EYA2: variants seen among roughly 807,000 people sequenced by gnomAD.
The protein encoded by EYA2 is EYA transcriptional coactivator and phosphatase 2.
EYA2 carries 31 observed loss-of-function variants against 69.2 expected under a neutral mutation model. The ratio of observed to expected loss-of-function variants is 0.45; its 90% CI spans 0.34 to 0.60. The LOEUF (loss-of-function observed/expected upper bound fraction) is 0.60. Ranked by LOEUF, EYA2 falls within the 20% of genes least tolerant of loss-of-function variation. EYA2 has a pLI of 0.02. For synonymous variants in EYA2, 257 were observed against 279.4 expected, an observed-to-expected ratio of 0.92 and a Z score of 0.80; for missense variants, 622 against 701.2, an observed-to-expected ratio of 0.89 and a Z score of 1.28.
At chr20:46,966,894 A>G (rs184220063) in intron 1 of EYA2, among the ~76,000 whole-genome samples, 2 of 152,032 alleles carry the variant, frequency 1.3e-5, no homozygotes, top group African/African-American at 2.4e-5. Flanking sequence ...CATCATCCAT[A>G]CTTTTAAGAT....
At position 47,116,162 on chromosome 20, in the gene EYA2, T is replaced by A. The variant is rs1391749650; in HGVS notation, c.888+18994T>A. ...ATTATTTGATTATAGAATAACATCA[T>A]CATCCTTCTTTTTTTTTTTTTTTTT... On this transcript the variant is annotated intron_variant, in intron 9 of 15. Coordinates refer to ENST00000327619, the MANE Select transcript of EYA2 (RefSeq NM_005244.5). 9.7e-5 allele frequency among the ~76,000 whole-genome samples: 14 copies of A among 144,112 alleles called. No individual in the cohort carries two copies. In the Admixed American group the frequency reaches 1.0e-3, roughly 11 times the overall value. 94.5% of individuals were successfully genotyped at this position (144,112 alleles called of 152,430 possible).
chr20:47,172,965 A>G (rs2034355331), intron 12 of EYA2, 98 bp downstream of exon 12: 3 of 1,403,678 alleles, frequency 2.1e-6, no homozygotes, highest in East Asian at 2.4e-5. Flanking sequence ...AGAGAGGTTC[A>G]CAAGTTCAGT....
At chr20:47,016,390 C>A in intron 5 of EYA2, 93 bp downstream of exon 5, 1 of 936,100 alleles carries the variant, frequency 1.1e-6, no homozygotes, top group Non-Finnish European at 1.8e-6. Flanking sequence ...ATTTTTTGAG[C>A]ACCTACTATG....
chr20:46,943,399 C>G (rs1354012693), intron 1 of EYA2, among the ~76,000 whole-genome samples: 1 of 152,222 alleles, frequency 6.6e-6, no homozygotes, highest in Non-Finnish European at 1.5e-5. Context: ...AATGAACTTG[C>G]TCACTGCAAG....
At chr20:47,150,295 G>A (rs1044111859) in intron 10 of EYA2, among the ~76,000 whole-genome samples, 16 of 152,176 alleles carry the variant, frequency 1.1e-4, no homozygotes, top group African/African-American at 2.2e-4. Context: ...ACGTCATCAC[G>A]GCCTTCTCAC....
At chr20:47,036,193 G>A (rs1025651046) in intron 5 of EYA2, among the ~76,000 whole-genome samples, 1 of 152,150 alleles carries the variant, frequency 6.6e-6, no homozygotes, top group Non-Finnish European at 1.5e-5. Context: ...GGGAGGTGGC[G>A]TAACCGGGAT....
At chr20:46,967,438 AC>A in intron 1 of EYA2, among the ~76,000 whole-genome samples, 1 of 152,380 alleles carries the variant, frequency 6.6e-6, no homozygotes, top group East Asian at 1.9e-4. Context: ...GTCATGATTG[AC>A]AAGTTCAGAG....
At chr20:47,042,393 T>C (rs1349625011) in intron 5 of EYA2, among the ~76,000 whole-genome samples, 1 of 152,238 alleles carries the variant, frequency 6.6e-6, no homozygotes, top group East Asian at 1.9e-4. Context: ...AATTATCTTT[T>C]GTATCATCAC....
At chr20:47,185,265 T>C (rs1225024055) in intron 15 of EYA2, among the ~76,000 whole-genome samples, 2 of 141,730 alleles carry the variant, frequency 1.4e-5, no homozygotes, top group Non-Finnish European at 3.1e-5. Flanking sequence ...CCCAGAAAAA[T>C]GAATCACACT....
At chr20:47,029,890 T>G (rs1984307115) in intron 5 of EYA2, among the ~76,000 whole-genome samples, 1 of 152,232 alleles carries the variant, frequency 6.6e-6, no homozygotes, top group South Asian at 2.1e-4. Context: ...GAAAAAAAAT[T>G]CTGCTTGTAA....
intron 5 of EYA2, among the ~76,000 whole-genome samples, chr20:47,021,423 T>C (rs902133472): frequency 4.6e-5 from 7 of 151,874 alleles, no homozygotes; most frequent in African/African-American, 1.7e-4. Context: ...GCTCAGGAGT[T>C]CAAGACCAGC....
chr20:46,905,580 C>T (rs1984311872), intron 1 of EYA2, among the ~76,000 whole-genome samples: 1 of 152,120 alleles, frequency 6.6e-6, no homozygotes. Context: ...TTCAAGAATC[C>T]CTGCCATTTC....
intron 12 of EYA2, among the ~76,000 whole-genome samples, chr20:47,176,796 C>CT (rs11470269): frequency 6.5e-3 from 952 of 146,920 alleles, no homozygotes; most frequent in Middle Eastern, 0.014. Context: ...ATCCTTCTTT[C>CT]TTTTTTTTTT....
chr20:47,094,857 T>C (rs2032198513), intron 8 of EYA2, among the ~76,000 whole-genome samples: 1 of 152,080 alleles, frequency 6.6e-6, no homozygotes, highest in African/African-American at 2.4e-5. Flanking sequence ...AGCGAGACCC[T>C]GTCTCTACAA....
At chr20:47,070,944 G>A (rs917758219) in intron 5 of EYA2, among the ~76,000 whole-genome samples, 2 of 152,090 alleles carry the variant, frequency 1.3e-5, no homozygotes, top group African/African-American at 4.8e-5. Context: ...AAACTCCTAG[G>A]TTCAAGCAAT....
chr20:46,989,287 G>A (rs1981493361), intron 1 of EYA2, among the ~76,000 whole-genome samples: 1 of 152,088 alleles, frequency 6.6e-6, no homozygotes. Flanking sequence ...TTTGTTTGGA[G>A]ATGGAGTCTC....
At chr20:47,133,336 A>G (rs756148603) in intron 9 of EYA2, among the ~76,000 whole-genome samples, 31 of 152,160 alleles carry the variant, frequency 2.0e-4, no homozygotes, top group Middle Eastern at 3.2e-3. Context: ...CCTTGAATCA[A>G]TCACTATGAT....
chr20:46,964,001 C>T (rs985598323), intron 1 of EYA2, among the ~76,000 whole-genome samples: 1 of 152,134 alleles, frequency 6.6e-6, no homozygotes, highest in African/African-American at 2.4e-5. Context: ...AACACATCAG[C>T]GGGTTATGAA....
chr20:46,918,282 G>GTGC (rs1405820667), intron 1 of EYA2, among the ~76,000 whole-genome samples: 2 of 150,384 alleles, frequency 1.3e-5, no homozygotes, highest in African/African-American at 4.9e-5. Flanking sequence ...GATCGCGCCA[G>GTGC]TGCACTCCAG....
Sources: allele counts gnomAD v4.1 joint callset (sites outside exome capture counted in the v4.1 genomes callset), GRCh38; gene constraint gnomAD v4.1.1; transcripts MANE v1.5; gene names NCBI Gene and HGNC (gene_info 2026-07-23, HGNC 2026-07-21).